Variants in ZNF521 observed in about 807,000 individuals in gnomAD.
The protein encoded by ZNF521 is LYST-interacting protein 3.
A neutral mutation model predicts 105.5 loss-of-function variants in ZNF521; 14 were observed. That is an observed-to-expected ratio of 0.13 (90% CI 0.09 to 0.21). The LOEUF is 0.21. Ranked by LOEUF, ZNF521 falls within the 10% of genes least tolerant of loss-of-function variation. The pLI, the probability that ZNF521 is intolerant of heterozygous loss-of-function variation, is 1.00. For synonymous variants in ZNF521, 635 were observed against 606.0 expected (o/e 1.05, Z -0.70); for missense variants, 1,233 against 1,629.7 (o/e 0.76, Z 4.19).
At chr18:25,234,911 C>T (rs1230917868) in intron 3 of ZNF521, among the ~76,000 whole-genome samples, 2 of 151,764 alleles carry the variant, frequency 1.3e-5, no homozygotes, top group African/African-American at 4.8e-5. Context: ...ACAATATTAT[C>T]ATTATAAAAT....
chr18:25,249,386 T>G (rs915514574), intron 3 of ZNF521, among the ~76,000 whole-genome samples: 1 of 152,070 alleles, frequency 6.6e-6, no homozygotes, highest in Non-Finnish European at 1.5e-5. Flanking sequence ...CTCCATCTCC[T>G]GACCTCGTGA....
intron 5 of ZNF521, among the ~76,000 whole-genome samples, chr18:25,128,621 A>G (rs2034580716): frequency 6.6e-6 from 1 of 152,056 alleles, no homozygotes; most frequent in South Asian, 2.1e-4. Context: ...TGCAAGATAC[A>G]AGGTTGATAT....
chr18:25,082,928 G>A (rs2033534334), intron 7 of ZNF521, among the ~76,000 whole-genome samples: 2 of 151,632 alleles, frequency 1.3e-5, no homozygotes, highest in South Asian at 2.1e-4. Context: ...GTGAGAAAAC[G>A]GGGATGAGGG....
intron 3 of ZNF521, among the ~76,000 whole-genome samples, chr18:25,277,923 G>A (rs1910138024): frequency 6.6e-6 from 1 of 151,864 alleles, no homozygotes; most frequent in African/African-American, 2.4e-5. Context: ...TAATGTACTG[G>A]TAGATTTCCC....
intron 7 of ZNF521, among the ~76,000 whole-genome samples, chr18:25,074,330 G>T (rs1229717884): frequency 6.6e-6 from 1 of 152,118 alleles, no homozygotes; most frequent in Admixed American, 6.5e-5. Context: ...TATTTCACAG[G>T]CCCAATTCTG....
chr18:25,339,183 T>C lies in ZNF521; in HGVS notation c.40+11724A>G, dbSNP rs147484714. 5.9e-5 allele frequency among the ~76,000 whole-genome samples: 9 copies of C among 152,294 alleles called. No individual in the cohort carries two copies. In the East Asian group the frequency reaches 1.7e-3, roughly 29 times the overall value. On this transcript the variant is annotated intron_variant, in intron 2 of 7. Coordinates refer to ENST00000361524, the MANE Select transcript of ZNF521 (RefSeq NM_015461.3). ...AACTAAGTAAAATCTAAAGTTAACA[T>C]TATGAGAGACACAAAGAGGCACATA...
At chr18:25,256,805 A>G (rs946704642) in intron 3 of ZNF521, among the ~76,000 whole-genome samples, 2 of 134,894 alleles carry the variant, frequency 1.5e-5, no homozygotes, top group African/African-American at 3.6e-5. Flanking sequence ...CAGCTGAAGG[A>G]AAAAAAAAAC....
intron 5 of ZNF521, among the ~76,000 whole-genome samples, chr18:25,124,234 A>G (rs2034497010): frequency 6.6e-6 from 1 of 152,138 alleles, no homozygotes; most frequent in South Asian, 2.1e-4. Flanking sequence ...GTACCCATCA[A>G]CAAGTAGAAG....
At chr18:25,318,457 T>C (rs966828929) in intron 3 of ZNF521, among the ~76,000 whole-genome samples, 3 of 152,208 alleles carry the variant, frequency 2.0e-5, no homozygotes, top group Non-Finnish European at 2.9e-5. Flanking sequence ...TTTCACTGTA[T>C]GTAAATGTGG....
At chr18:25,112,562 A>G (rs1190505092) in intron 5 of ZNF521, among the ~76,000 whole-genome samples, 4 of 151,796 alleles carry the variant, frequency 2.6e-5, no homozygotes, top group Middle Eastern at 3.2e-3. Context: ...TAATAAACAC[A>G]CTCCCATCCA....
At chr18:25,330,452 C>T (rs141509697) in intron 2 of ZNF521, among the ~76,000 whole-genome samples, 2,275 of 152,282 alleles carry the variant, frequency 0.015, 31 homozygotes, top group Non-Finnish European at 0.022. Flanking sequence ...GCGTGAGCCA[C>T]CATGCCCAGC....
intron 3 of ZNF521, among the ~76,000 whole-genome samples, chr18:25,229,971 T>C (rs1446867357): frequency 2.0e-5 from 3 of 152,212 alleles, no homozygotes; most frequent in Non-Finnish European, 4.4e-5. Flanking sequence ...ATAAAAATTA[T>C]GCAATCCCTA....
At chr18:25,234,845 T>C (rs1568026899) in intron 3 of ZNF521, among the ~76,000 whole-genome samples, 1 of 151,784 alleles carries the variant, frequency 6.6e-6, no homozygotes, top group East Asian at 1.9e-4. Context: ...TAAATAAAAA[T>C]AAACAAAAAT....
At chr18:25,216,824 G>A (rs1015637114) in intron 4 of ZNF521, among the ~76,000 whole-genome samples, 3 of 152,166 alleles carry the variant, frequency 2.0e-5, no homozygotes, top group Non-Finnish European at 4.4e-5. Context: ...CCAAAGTGCT[G>A]GGATTATAGG....
chr18:25,298,912 A>G (rs1600275044), intron 3 of ZNF521, among the ~76,000 whole-genome samples: 1 of 152,200 alleles, frequency 6.6e-6, no homozygotes, highest in Non-Finnish European at 1.5e-5. Flanking sequence ...TTAAAGAGTG[A>G]CCATGCCCCA....
intron 5 of ZNF521, among the ~76,000 whole-genome samples, chr18:25,141,366 C>A (rs2034844446): frequency 6.6e-6 from 1 of 152,118 alleles, no homozygotes; most frequent in Non-Finnish European, 1.5e-5. Context: ...AAATGCAATA[C>A]CTTTTAGTAC....
At chr18:25,314,794 G>C (rs1912512199) in intron 3 of ZNF521, among the ~76,000 whole-genome samples, 1 of 152,228 alleles carries the variant, frequency 6.6e-6, no homozygotes, top group Non-Finnish European at 1.5e-5. Flanking sequence ...ACACTTAACA[G>C]ACAACTCAAG....
chr18:25,281,556 T>C (rs1910382236), intron 3 of ZNF521, among the ~76,000 whole-genome samples: 2 of 152,240 alleles, frequency 1.3e-5, no homozygotes, highest in South Asian at 2.1e-4. Context: ...CATTGAACAC[T>C]ATGTTCTAAA....
chr18:25,321,944 A>G (rs1185577711), intron 3 of ZNF521, 64 bp downstream of exon 3: 110 of 1,462,906 alleles, frequency 7.5e-5, no homozygotes, highest in Non-Finnish European at 6.8e-5. Flanking sequence ...ACATAAAGGA[A>G]CAAACTGAAA....
Sources: allele counts gnomAD v4.1 joint callset (sites outside exome capture counted in the v4.1 genomes callset), GRCh38; gene constraint gnomAD v4.1.1; transcripts MANE v1.5; gene names NCBI Gene and HGNC (gene_info 2026-07-23, HGNC 2026-07-21).